Variants in RIT2 observed in about 807,000 individuals in gnomAD.
RIT2 encodes the protein Ras like without CAAX 2, also known as GTP-binding protein Rit2.
In RIT2, 24 loss-of-function variants were observed where a neutral mutation model predicts 23.7. That is an observed-to-expected ratio of 1.01 (90% CI 0.73 to 1.43). The LOEUF (loss-of-function observed/expected upper bound fraction) is 1.43, where lower values mean the gene tolerates loss of function less well. RIT2 is among the 40% of genes most tolerant of loss of function. RIT2 has a pLI of 0.00. For synonymous variants in RIT2, 107 were observed against 91.1 expected (o/e 1.17, Z -0.99); for missense variants, 236 against 266.9 (o/e 0.88, Z 0.81).
chr18:42,788,600 TCAC>T (rs745566619), intron 4 of RIT2, among the ~76,000 whole-genome samples: 1 of 152,190 alleles, frequency 6.6e-6, no homozygotes, highest in Non-Finnish European at 1.5e-5. Context: ...TTCATTAATA[TCAC>T]CACCAATTTT....
chr18:42,942,335 T>C (rs1384795410), intron 3 of RIT2, among the ~76,000 whole-genome samples: 1 of 152,134 alleles, frequency 6.6e-6, no homozygotes, highest in Non-Finnish European at 1.5e-5. Flanking sequence ...CTTCACCCTC[T>C]GGACAGTGAA....
At chr18:43,094,003 G>T (rs919538871) in intron 1 of RIT2, among the ~76,000 whole-genome samples, 1 of 151,694 alleles carries the variant, frequency 6.6e-6, no homozygotes, top group African/African-American at 2.4e-5. Context: ...AGGAGCAGGG[G>T]AGCAAGCACC....
chr18:42,748,853 C>A (rs1912979838), intron 4 of RIT2, among the ~76,000 whole-genome samples: 1 of 151,824 alleles, frequency 6.6e-6, no homozygotes, highest in East Asian at 1.9e-4. Flanking sequence ...GAAATCAACA[C>A]AAGAAAACTT....
At chr18:42,991,758 A>AC (rs1910854743) in intron 2 of RIT2, among the ~76,000 whole-genome samples, 1 of 150,840 alleles carries the variant, frequency 6.6e-6, no homozygotes, top group South Asian at 2.1e-4. Flanking sequence ...GCACCTTGTG[A>AC]CCCCCACTCC....
intron 4 of RIT2, among the ~76,000 whole-genome samples, chr18:42,789,082 A>G (rs937631066): frequency 6.6e-6 from 1 of 152,314 alleles, no homozygotes; most frequent in Middle Eastern, 3.4e-3. Context: ...TGAAACTGGC[A>G]TATCTTTACC....
intron 4 of RIT2, among the ~76,000 whole-genome samples, chr18:42,837,147 CT>C (rs1196949759): frequency 4.1e-5 from 2 of 48,734 alleles, no homozygotes; most frequent in South Asian, 1.6e-3. Context: ...CTTTTTTTTT[CT>C]TTTTCTTTTT....
chr18:42,915,343 A>G (rs1908879882), intron 4 of RIT2, among the ~76,000 whole-genome samples: 1 of 151,918 alleles, frequency 6.6e-6, no homozygotes, highest in Non-Finnish European at 1.5e-5. Context: ...AACTTTACTC[A>G]CTCAGTATTT....
chr18:42,759,126 T>G (rs1389960785), intron 4 of RIT2, among the ~76,000 whole-genome samples: 1 of 152,128 alleles, frequency 6.6e-6, no homozygotes, highest in Non-Finnish European at 1.5e-5. Context: ...GAACCCTGAG[T>G]GATACAATCC....
chr18:42,818,780 A>T (rs1488465469), intron 4 of RIT2, among the ~76,000 whole-genome samples: 1 of 152,112 alleles, frequency 6.6e-6, no homozygotes, highest in Non-Finnish European at 1.5e-5. Context: ...ATACAGCAGC[A>T]TTTCAGAACA....
rs186175606 is a variant in RIT2 at position 42,999,022 on chromosome 18, C to T, written c.161-24875G>A. ...AATTTTTATCACCAAGGACTACAGA[C>T]GTGAAGGCTTTTTATAACTAAAGAA... On this transcript the variant is annotated intron_variant, in intron 2 of 4. Transcript: ENST00000326695. 2.3e-3 allele frequency among the ~76,000 whole-genome samples: 354 copies of T among 152,132 alleles called. 4 individuals are homozygous for T. The highest frequency in any genetic ancestry group is 7.7e-3 in the African/African-American group (319 of 41,536).
chr18:43,033,936 T>C, intron 1 of RIT2, 69 bp from the exon 2 acceptor site: 3 of 1,033,278 alleles, frequency 2.9e-6, no homozygotes, highest in South Asian at 1.3e-5. Flanking sequence ...TTTACCAACA[T>C]AGTCCACCAA....
intron 2 of RIT2, among the ~76,000 whole-genome samples, chr18:42,975,304 T>C (rs1359245628): frequency 2.0e-5 from 3 of 152,140 alleles, no homozygotes; most frequent in Non-Finnish European, 4.4e-5. Flanking sequence ...TTTAGTTCTA[T>C]TTATACAATG....
intron 3 of RIT2, among the ~76,000 whole-genome samples, chr18:42,951,336 CA>C (rs1909847038): frequency 6.6e-6 from 1 of 151,954 alleles, no homozygotes; most frequent in Non-Finnish European, 1.5e-5. Context: ...AACAGAAAAC[CA>C]AACCATATGT....
At chr18:43,047,813 C>G (rs943561681) in intron 1 of RIT2, among the ~76,000 whole-genome samples, 1 of 152,040 alleles carries the variant, frequency 6.6e-6, no homozygotes, top group Admixed American at 6.6e-5. Flanking sequence ...TAAAGTTTTG[C>G]TTGCTTTGTG....
intron 3 of RIT2, among the ~76,000 whole-genome samples, chr18:42,951,785 A>T (rs2144173663): frequency 6.6e-6 from 1 of 152,222 alleles, no homozygotes; most frequent in African/African-American, 2.4e-5. Context: ...AATAATGCAA[A>T]TAGGAAATGT....
At chr18:42,994,042 G>C (rs1910918174) in intron 2 of RIT2, among the ~76,000 whole-genome samples, 1 of 152,060 alleles carries the variant, frequency 6.6e-6, no homozygotes, top group Non-Finnish European at 1.5e-5. Context: ...AAATTGTTTT[G>C]CCTATCCACC....
At chr18:43,060,108 A>G (rs1272324920) in intron 1 of RIT2, among the ~76,000 whole-genome samples, 1 of 152,148 alleles carries the variant, frequency 6.6e-6, no homozygotes, top group Non-Finnish European at 1.5e-5. Flanking sequence ...TCTGAGAGGT[A>G]TTTTATAGAG....
intron 4 of RIT2, among the ~76,000 whole-genome samples, chr18:42,869,747 G>T (rs1320367788): frequency 2.6e-5 from 4 of 152,138 alleles, no homozygotes; most frequent in Non-Finnish European, 5.9e-5. Context: ...GCTCACTGCT[G>T]CTGACCACAG....
At chr18:42,965,280 A>G (rs987391628) in intron 3 of RIT2, among the ~76,000 whole-genome samples, 5 of 152,196 alleles carry the variant, frequency 3.3e-5, no homozygotes, top group African/African-American at 1.2e-4. Flanking sequence ...AAAGTGAATC[A>G]TAGACCCAAG....
Sources: gnomAD v4.1 joint callset for allele counts (sites outside exome capture counted in the v4.1 genomes callset) on GRCh38, gnomAD v4.1.1 for gene constraint, MANE v1.5 for transcripts, NCBI Gene and HGNC (gene_info 2026-07-23, HGNC 2026-07-21) for gene names.